Variants in TNN observed in about 807,000 individuals in gnomAD.
The protein encoded by TNN is tenascin-N.
TNN carries 122 observed loss-of-function variants against 134.4 expected under a neutral mutation model. That is an observed-to-expected ratio of 0.91 (90% CI 0.78 to 1.06). The LOEUF is 1.06. Ranked by LOEUF, TNN falls within the 50% of genes least tolerant of loss-of-function variation. TNN has a pLI of 0.00. For synonymous variants in TNN, 710 were observed against 670.3 expected, an observed-to-expected ratio of 1.06 and a Z score of -0.91; for missense variants, 1,739 against 1,699.4, an observed-to-expected ratio of 1.02 and a Z score of -0.41.
intron 4 of TNN, among the ~76,000 whole-genome samples, chr1:175,081,120 G>A (rs180771392): frequency 6.6e-6 from 1 of 152,318 alleles, no homozygotes; most frequent in East Asian, 1.9e-4. Context: ...GGAAGCCAAA[G>A]GGTCAGGTAA....
chr1:175,125,703 C>CTTTCTTTCTTTCTT (rs66718246), intron 12 of TNN, among the ~76,000 whole-genome samples: 9 of 66,440 alleles, frequency 1.4e-4, no homozygotes, highest in South Asian at 6.0e-4. Flanking sequence ...TCTTTTTTCT[C>CTTTCTTTCTTTCTT]TCTTTCTTTC....
intron 16 of TNN, 41 bp downstream of exon 16, chr1:175,135,982 G>C: frequency 6.9e-7 from 1 of 1,443,528 alleles, no homozygotes; most frequent in Admixed American, 1.7e-5. Flanking sequence ...TGTGGGGGGT[G>C]ATTTCTCCCA....
intron 1 of TNN, among the ~76,000 whole-genome samples, chr1:175,073,418 C>T (rs1345514901): frequency 6.6e-6 from 1 of 152,168 alleles, no homozygotes; most frequent in Non-Finnish European, 1.5e-5. Flanking sequence ...CCCACTCCCC[C>T]CATCTTCTGA....
intron 17 of TNN, 118 bp from the exon 18 acceptor site, chr1:175,144,269 C>T (rs891836768): frequency 2.1e-6 from 2 of 930,264 alleles, no homozygotes; most frequent in Non-Finnish European, 3.3e-6. Flanking sequence ...CTACCTGTGA[C>T]ATGACTGGCT....
chr1:175,097,857 T>C (rs1016049973), intron 8 of TNN, among the ~76,000 whole-genome samples, 174 bp downstream of exon 8: 6 of 152,204 alleles, frequency 3.9e-5, no homozygotes, highest in Admixed American at 3.3e-4. Flanking sequence ...CTGACAGTGA[T>C]GAGCTGTTCA....
At chr1:175,133,118 A>C (rs1675715543) in intron 15 of TNN, among the ~76,000 whole-genome samples, 2 of 152,224 alleles carry the variant, frequency 1.3e-5, no homozygotes, top group Non-Finnish European at 2.9e-5. Flanking sequence ...GAGGTTAGCT[A>C]GGATGGCATT....
At chr1:175,125,708 TCTTTCTTTC>T (rs1302448771) in intron 12 of TNN, among the ~76,000 whole-genome samples, 9 of 10,684 alleles carry the variant, frequency 8.4e-4, no homozygotes, top group African/African-American at 4.4e-3. Flanking sequence ...TTTCTCTCTT[TCTTTCTTTC>T]TTTCTTTCTT....
chr1:175,140,927 G>A (rs755148977), intron 17 of TNN, among the ~76,000 whole-genome samples: 6 of 152,244 alleles, frequency 3.9e-5, no homozygotes, highest in African/African-American at 1.4e-4. Context: ...TAGAGGACAC[G>A]GCATTCAAAT....
At chr1:175,082,046 G>C (rs1445476876) in intron 4 of TNN, among the ~76,000 whole-genome samples, 1 of 152,212 alleles carries the variant, frequency 6.6e-6, no homozygotes, top group Non-Finnish European at 1.5e-5. Flanking sequence ...CGGTCACAGA[G>C]TGACCTGACA....
intron 18 of TNN, 140 bp from the exon 19 acceptor site, chr1:175,146,791 C>G (rs971181518): frequency 1.1e-5 from 9 of 793,250 alleles, no homozygotes; most frequent in Non-Finnish European, 1.3e-5. Flanking sequence ...CTCATCACCC[C>G]GTCTCTTTCT....
At chr1:175,107,876 C>T (rs1440963950) in intron 9 of TNN, among the ~76,000 whole-genome samples, 5 of 134,396 alleles carry the variant, frequency 3.7e-5, no homozygotes, top group African/African-American at 1.2e-4. Flanking sequence ...TACAGAGTGT[C>T]GATTGGTGCA....
At chr1:175,100,872 A>T (rs540264942) in intron 9 of TNN, among the ~76,000 whole-genome samples, 15 of 152,264 alleles carry the variant, frequency 9.9e-5, no homozygotes, top group South Asian at 6.2e-4. Context: ...TTTCTTTTTT[A>T]AAAAAATTGA....
intron 4 of TNN, among the ~76,000 whole-genome samples, chr1:175,081,655 C>G (rs759459298): frequency 2.0e-5 from 3 of 152,140 alleles, no homozygotes; most frequent in Non-Finnish European, 4.4e-5. Context: ...TCAGTGCCCT[C>G]AAGCTAAAGA....
At chr1:175,078,439 C>A (rs1480733875) in intron 2 of TNN, among the ~76,000 whole-genome samples, 22 of 151,964 alleles carry the variant, frequency 1.4e-4, no homozygotes, top group Admixed American at 1.3e-3. Context: ...AAGGTTCTCC[C>A]CCAACGCAAC....
chr1:175,085,737 G>C (rs1171069120), intron 6 of TNN, among the ~76,000 whole-genome samples: 1 of 152,108 alleles, frequency 6.6e-6, no homozygotes, highest in Non-Finnish European at 1.5e-5. Flanking sequence ...AGCTGGGCGT[G>C]GTGGCGCATG....
At position 175,123,556 on chromosome 1, in the gene TNN, G is replaced by A; in HGVS notation, c.2807G>A (p.Ser936Asn). 1 of 1,614,058 alleles carries A rather than the reference G, an allele frequency of 6.2e-7. No homozygotes were observed. The highest frequency in any genetic ancestry group is 8.5e-7 in the Non-Finnish European group (1 of 1,179,922). The change falls in exon 12 of 19, where the codon AGC becomes AAC. Residue 936 changes from serine to asparagine, a missense_variant. By Grantham distance (46) the Ser-to-Asn change is conservative. Coordinates refer to ENST00000239462, the MANE Select transcript of TNN (RefSeq NM_022093.2). ...GAGGTTCCGGTGGGGAAGGAGCACAGCAGCACTGTCCTGACGGGCCTGAGA... is the reference window on the plus strand; with the variant it reads ...GAGGTTCCGGTGGGGAAGGAGCACAACAGCACTGTCCTGACGGGCCTGAGA... ...TREVPVGKEHSSTVLTGLRPG... is the reference protein window; with the variant it reads ...TREVPVGKEHNSTVLTGLRPG...
chr1:175,086,321 T>C (rs1036895214), intron 6 of TNN, among the ~76,000 whole-genome samples: 8 of 152,376 alleles, frequency 5.3e-5, no homozygotes, highest in South Asian at 4.1e-4. Flanking sequence ...AAATCAGTCA[T>C]ATTTGACAAT....
intron 18 of TNN, among the ~76,000 whole-genome samples, chr1:175,144,839 G>C (rs369841204): frequency 6.6e-6 from 1 of 152,262 alleles, no homozygotes; most frequent in African/African-American, 2.4e-5. Context: ...TCTGCACGCT[G>C]TCTCATTTTA....
chr1:175,120,937 A>G (rs1675358048), intron 11 of TNN, among the ~76,000 whole-genome samples: 1 of 152,096 alleles, frequency 6.6e-6, no homozygotes, highest in Admixed American at 6.5e-5. Context: ...AGTAGCTGGG[A>G]CCATAGGCAC....
Sources: gnomAD v4.1 joint callset for allele counts (sites outside exome capture counted in the v4.1 genomes callset) on GRCh38, gnomAD v4.1.1 for gene constraint, MANE v1.5 for transcripts, NCBI Gene and HGNC (gene_info 2026-07-23, HGNC 2026-07-21) for gene names.